ADGRD1: variants seen among roughly 807,000 people sequenced by gnomAD.
The protein encoded by ADGRD1 is adhesion G protein-coupled receptor D1.
In ADGRD1, 77 loss-of-function variants were observed where a neutral mutation model predicts 113.4. The ratio of observed to expected loss-of-function variants is 0.68; its 90% CI spans 0.57 to 0.82. The LOEUF is 0.82. Ranked by LOEUF, ADGRD1 falls within the 40% of genes least tolerant of loss-of-function variation. ADGRD1 has a pLI of 0.00. For missense variants in ADGRD1, 1,036 were observed against 1,139.1 expected (o/e 0.91, Z 1.30); for synonymous variants, 474 against 475.0 (o/e 1.00, Z 0.03).
intron 13 of ADGRD1, chr12:131,023,879 G>GT (rs1247869221): frequency 6.6e-6 from 1 of 152,218 alleles, no homozygotes; most frequent in Non-Finnish European, 1.5e-5. Flanking sequence ...CCCTCGGGCA[G>GT]TGTTGAGGGG....
intron 9 of ADGRD1, among the ~76,000 whole-genome samples, chr12:131,001,270 T>C (rs1876359474): frequency 6.6e-6 from 1 of 152,194 alleles, no homozygotes. Flanking sequence ...GAAATAATTT[T>C]TCCTATATTT....
At chr12:130,973,985 G>A (rs938351703) in intron 4 of ADGRD1, among the ~76,000 whole-genome samples, 1 of 152,240 alleles carries the variant, frequency 6.6e-6, no homozygotes, top group Non-Finnish European at 1.5e-5. Flanking sequence ...CGCTGGCTCG[G>A]TGAGAGGCTG....
chr12:131,068,885 G>A lies in ADGRD1; in HGVS notation c.1474-7916G>A, dbSNP rs565304150. Among the ~76,000 whole-genome samples, 13 of 152,344 alleles carry A rather than the reference G, an allele frequency of 8.5e-5. 1 individual carries two copies. The highest frequency in any genetic ancestry group is 2.9e-4 in the African/African-American group (12 of 41,590). On this transcript the variant is annotated intron_variant, in intron 13 of 24. Transcript: ENST00000261654. The stretch of plus-strand genomic sequence containing the variant: ...GAAAAGCTGTAACACTTTTATAGAC[G>A]TTTATAGGTATTGCTTTTCTGGACT...
intron 5 of ADGRD1, among the ~76,000 whole-genome samples, chr12:130,985,815 G>A (rs1873589375): frequency 6.6e-6 from 1 of 152,186 alleles, no homozygotes; most frequent in African/African-American, 2.4e-5. Context: ...GCCTCCCAAA[G>A]TGCTGAGGTT....
intron 20 of ADGRD1, among the ~76,000 whole-genome samples, chr12:131,123,386 T>C (rs1292518901): frequency 6.6e-6 from 1 of 151,580 alleles, no homozygotes; most frequent in Non-Finnish European, 1.5e-5. Flanking sequence ...CTCCACCTCC[T>C]GAAGTTTCGG....
intron 23 of ADGRD1, 85 bp from the exon 24 acceptor site, chr12:131,138,052 C>T (rs747472620): frequency 1.4e-4 from 150 of 1,055,324 alleles, no homozygotes; most frequent in South Asian, 2.3e-4. Context: ...ACATCTGGTT[C>T]CGGAGTTGCA....
chr12:131,003,204 G>A lies in ADGRD1; in HGVS notation c.1046G>A (p.Ser349Asn), dbSNP rs370854685. The change falls in exon 10 of 25, where the codon AGT (serine) becomes AAT (asparagine). Residue 349 changes from serine (S) to asparagine (N), a missense_variant. By Grantham distance (46) the Ser-to-Asn change is conservative. Coordinates refer to ENST00000261654, the MANE Select transcript of ADGRD1 (RefSeq NM_198827.5). This position sits in a 1 kb window ranked among gnomAD's most constrained non-coding sequence, Gnocchi z 4.8. ...ALSEDSAVVL[S>N]LIDTIDTVMG... The stretch of plus-strand genomic sequence containing the variant: ...CTGCAGGACAGCGCCGTGGTACTGA[G>A]TCTCATCGACACTATTGACACCGTC... 1 of 1,613,788 alleles carries A rather than the reference G, an allele frequency of 6.2e-7. No homozygotes were observed. Among genetic ancestry groups the A allele is most frequent in the Non-Finnish European group, 8.5e-7 (1 of 1,179,876 alleles).
chr12:130,954,633 G>C lies in ADGRD1; in HGVS notation c.76G>C (p.Val26Leu), dbSNP rs1869296260. ...LFYYNFQVRG[V>L]YSRSQDHPGF... ...GGTCTTTTGTGCGCAGGTGCGTGGC[G>C]TCTACTCCAGATCGCAGGACCATCC... The change falls in exon 2 of 25, where the codon GTC becomes CTC. Residue 26 changes from valine (V) to leucine (L), a missense_variant. Physicochemically the swap from Val to Leu is conservative, Grantham distance 32. Transcript: ENST00000261654. This position sits in a 1 kb window ranked among gnomAD's most constrained non-coding sequence, Gnocchi z 4.7. 6.2e-7 allele frequency: 1 copy of C among 1,613,580 alleles called. No individual in the cohort carries two copies. The highest frequency in any genetic ancestry group is 8.5e-7 in the Non-Finnish European group (1 of 1,180,014).
rs577537611 is a variant in ADGRD1, at chr12:131,116,290, C to T, written c.2042-2095C>T. On this transcript the variant is annotated intron_variant, in intron 18 of 24. Transcript: ENST00000261654. ...TGACAGGATGACAAAGGCCCACAGT[C>T]ACTGCTGGGCCCCAACTGTGCGCCT... is the stretch of plus-strand genomic sequence containing the variant. 1.7e-4 allele frequency among the ~76,000 whole-genome samples: 26 copies of T among 152,350 alleles called. No individual in the cohort carries two copies. The South Asian group carries it at 3.9e-3, about 23-fold the overall frequency.
chr12:130,984,318 C>T lies in ADGRD1; in HGVS notation c.490+2255C>T, dbSNP rs1012984593. Among the ~76,000 whole-genome samples the T allele has an allele frequency of 1.3e-5, 2 of 152,154 alleles. No homozygotes were observed. Among genetic ancestry groups the T allele is most frequent in the Non-Finnish European group, 2.9e-5 (2 of 68,024 alleles). ...TGGGGGAGGTGAGTAGGGGCCACCT[C>T]GTGATGGGGCAGCCGCCCTTCCACG... On this transcript the variant is annotated intron_variant, in intron 5 of 24. Coordinates refer to ENST00000261654, the MANE Select transcript of ADGRD1 (RefSeq NM_198827.5). This position sits in a 1 kb window ranked among gnomAD's most constrained non-coding sequence, Gnocchi z 4.1.
chr12:131,050,475 G>A lies in ADGRD1; in HGVS notation c.1474-26326G>A, dbSNP rs1368397302. ...AAAAAAAGAGGTTTAATTGCCTCAC[G>A]GTTCTGCAGGGGGAACAGGAAGCAT... On this transcript the variant is annotated intron_variant, in intron 13 of 24. Coordinates refer to ENST00000261654, the MANE Select transcript of ADGRD1 (RefSeq NM_198827.5). This position sits in a 1 kb window ranked among gnomAD's most constrained non-coding sequence, Gnocchi z 4.8. Among the ~76,000 whole-genome samples the A allele has an allele frequency of 6.6e-6, 1 of 152,126 alleles. No homozygotes were observed. The highest frequency in any genetic ancestry group is 1.9e-4 in the East Asian group (1 of 5,176).
chr12:130,963,236 C>G (rs1239451980), intron 2 of ADGRD1, among the ~76,000 whole-genome samples: 2 of 140,316 alleles, frequency 1.4e-5, no homozygotes, highest in Non-Finnish European at 3.0e-5. Context: ...AGGAGAATGG[C>G]GTGAACCCGG....
chr12:131,025,416 G>A (rs1879827021), intron 13 of ADGRD1: 2 of 152,358 alleles, frequency 1.3e-5, no homozygotes, highest in South Asian at 4.1e-4. Flanking sequence ...TGAGGAGGAG[G>A]TGAACTCAGA....
intron 13 of ADGRD1, among the ~76,000 whole-genome samples, chr12:131,021,711 A>AT (rs1879344370): frequency 1.3e-5 from 2 of 151,588 alleles, no homozygotes; most frequent in East Asian, 3.9e-4. Context: ...CTGATCTTCC[A>AT]TTTTTTCTTT....
intron 13 of ADGRD1, among the ~76,000 whole-genome samples, chr12:131,032,068 A>G (rs1057301039): frequency 2.6e-5 from 4 of 152,154 alleles, no homozygotes; most frequent in African/African-American, 9.7e-5. Context: ...ATTGCTTTCC[A>G]AAATGCAGCC....
intron 15 of ADGRD1, among the ~76,000 whole-genome samples, chr12:131,099,986 G>A (rs890949379): frequency 6.6e-6 from 1 of 152,112 alleles, no homozygotes; most frequent in Non-Finnish European, 1.5e-5. Flanking sequence ...GTTTGCTGGT[G>A]GTAAGTTTGG....
chr12:130,997,380 G>T (rs1268274988), intron 8 of ADGRD1, among the ~76,000 whole-genome samples: 3 of 112,092 alleles, frequency 2.7e-5, no homozygotes, highest in Admixed American at 8.5e-5. Context: ...GGTGGCTGCC[G>T]GGCGGAGGGG....
chr12:131,012,602 A>G (rs1483427207), intron 12 of ADGRD1, among the ~76,000 whole-genome samples: 1 of 152,356 alleles, frequency 6.6e-6, no homozygotes, highest in African/African-American at 2.4e-5. Flanking sequence ...GTAAGGAGAC[A>G]GTGCAGAGGC....
chr12:130,996,928 C>G (rs1195020575), intron 8 of ADGRD1, among the ~76,000 whole-genome samples: 6 of 133,016 alleles, frequency 4.5e-5, no homozygotes, highest in Non-Finnish European at 8.2e-5. Context: ...GAGCCCCTCA[C>G]CTCCCGGACG....
Sources: allele counts gnomAD v4.1 joint callset (sites outside exome capture counted in the v4.1 genomes callset), GRCh38; gene constraint gnomAD v4.1.1; non-coding constraint Gnocchi (gnomAD v3.1); transcripts MANE v1.5; gene names NCBI Gene and HGNC (gene_info 2026-07-23, HGNC 2026-07-21).